The following PGLYRP2 variants were observed in gnomAD, a reference collection of about 807,000 sequenced individuals.
The protein encoded by PGLYRP2 is peptidoglycan recognition protein 2.
A neutral mutation model predicts 46.2 loss-of-function variants in PGLYRP2; 38 were observed. The ratio of observed to expected loss-of-function variants is 0.82; its 90% CI spans 0.64 to 1.08. The LOEUF is 1.08. Among genes scored for constraint, PGLYRP2 ranks in the 50% least tolerant of loss-of-function variants. The pLI is 0.00. For missense variants in PGLYRP2, 713 were observed against 755.9 expected, an observed-to-expected ratio of 0.94 and a Z score of 0.67; for synonymous variants, 289 against 329.4, an observed-to-expected ratio of 0.88 and a Z score of 1.33.
chr19:15,476,065 G>A lies in PGLYRP2; in HGVS notation c.605C>T (p.Ser202Phe). The A allele has an allele frequency of 6.2e-7, 1 of 1,614,218 alleles. No homozygotes were observed. The highest frequency in any genetic ancestry group is 1.1e-5 in the South Asian group (1 of 91,088). The change falls in exon 2 of 5, where the codon TCC becomes TTC. Residue 202 changes from serine (S) to phenylalanine (F), a missense_variant. By Grantham distance (155) the Ser-to-Phe change is radical (BLOSUM62 -2). Transcript: ENST00000340880. Reference protein sequence around the residue: ...ATKGCPDVQASLPDAKAKSPP... With the variant: ...ATKGCPDVQAFLPDAKAKSPP... The stretch of plus-strand genomic sequence containing the variant: ...GGACTTGGCTTTGGCATCTGGCAAG[G>A]AAGCTTGGACATCTGGACAGCCTTT...
Position 15,477,721 on chromosome 19 carries a change from T to TAAAATTAAAATAAAATAAAATAAAA in PGLYRP2, c.62-1114_62-1113insTTTTATTTTATTTTATTTTAATTTT, listed in dbSNP as rs56127600. Among the ~76,000 whole-genome samples, 636 of 135,438 alleles carry TAAAATTAAAATAAAATAAAATAAAA rather than the reference T, an allele frequency of 4.7e-3. 5 individuals carry two copies. Among genetic ancestry groups the TAAAATTAAAATAAAATAAAATAAAA allele is most frequent in the Middle Eastern group, 7.2e-3 (2 of 276 alleles). The allele number at this position is 135,438 out of a possible 152,430, so 88.9% of individuals were successfully genotyped here. ...ATAAAATAAAATAAATAAAATAAAA[T>TAAAATTAAAATAAAATAAAATAAAA]TAAATTAAAATAAAATAAAATAAAA... On this transcript the variant is annotated intron_variant, in intron 1 of 4. Transcript: ENST00000340880.
Position 15,476,226 on chromosome 19 carries a change from AG to A in PGLYRP2, c.443del (p.Pro148LeufsTer18). ...CTGGAAAGGTATCTCCAGTCTCCCAAGGGGCAGCCATGCTGTCCAAGGGCAA... is the reference window on the plus strand; with the variant it reads ...CTGGAAAGGTATCTCCAGTCTCCCAAGGGCAGCCATGCTGTCCAAGGGCAA... ...INLPLDSMAA[P>X]WETGDTFPDV... On this transcript the variant is annotated frameshift_variant, in exon 2 of 5. Coordinates refer to ENST00000340880, the MANE Select transcript of PGLYRP2 (RefSeq NM_052890.4). LOFTEE classifies it high-confidence loss of function. 1 of 1,614,146 alleles carries A rather than the reference AG, an allele frequency of 6.2e-7. No homozygotes were observed.
In PGLYRP2 at chr19:15,475,652, G is replaced by T; in HGVS notation, c.1018C>A (p.Leu340Ile). Residue 340 changes from leucine to isoleucine, a missense_variant, in exon 2 of 5, where the codon CTT (leucine) becomes ATT (isoleucine). Physicochemically the swap from Leu to Ile is conservative, Grantham distance 5. Coordinates refer to ENST00000340880, the MANE Select transcript of PGLYRP2 (RefSeq NM_052890.4). The stretch of plus-strand genomic sequence containing the variant: ...GGCTCCAGCCTCTGTAGAAGGACAA[G>T]GGTTCCCCACACCTGCTGGGCCAGG... ...SILAQQVWGTLVLLQRLEPVH... is the reference protein window; with the variant it reads ...SILAQQVWGTIVLLQRLEPVH... 1 of 1,614,194 alleles carries T rather than the reference G, an allele frequency of 6.2e-7. No homozygotes were observed. Among genetic ancestry groups the T allele is most frequent in the East Asian group, 2.2e-5 (1 of 44,876 alleles).
In PGLYRP2 at chr19:15,472,034, A is replaced by G; in HGVS notation, c.1199T>C (p.Leu400Pro). 4 of 1,612,204 alleles carry G rather than the reference A, an allele frequency of 2.5e-6. No individual in the cohort carries two copies. Among genetic ancestry groups the G allele is most frequent in the Non-Finnish European group, 3.4e-6 (4 of 1,179,916 alleles). The change falls in exon 3 of 5, where the codon CTG (leucine) becomes CCG (proline). Residue 400 changes from leucine (L) to proline (P), a missense_variant. Physicochemically the swap from Leu to Pro is moderately conservative, Grantham distance 98. Coordinates refer to ENST00000340880, the MANE Select transcript of PGLYRP2 (RefSeq NM_052890.4). ...AAPYRGRPKL[L>P]QLPLGFLYVH... ...GTACAAGAATCCCAGCGGCAGCTGC[A>G]GCAGCTTCGGGCGGCCCCGATAAGG...
chr19:15,474,357 C>T (rs1970775944), intron 2 of PGLYRP2, among the ~76,000 whole-genome samples: 1 of 151,592 alleles, frequency 6.6e-6, no homozygotes, highest in South Asian at 2.1e-4. Context: ...CAAAACAAAA[C>T]AAAACAAAAA....
chr19:15,469,898 C>G lies in PGLYRP2; in HGVS notation c.1375G>C (p.Glu459Gln). ...FVVGSDGYVY[E>Q]GRGWHWVGAH... ...CCCACCCAGTGCCAGCCGCGTCCCTCGTACACGTAGCCGTCCGAGCCCACC... is the reference window on the plus strand; with the variant it reads ...CCCACCCAGTGCCAGCCGCGTCCCTGGTACACGTAGCCGTCCGAGCCCACC... Residue 459 changes from glutamate to glutamine, a missense_variant, in exon 4 of 5, where the codon GAG (glutamate) becomes CAG (glutamine). Transcript: ENST00000340880. The surrounding 1 kb of genome is among the most constrained non-coding windows in gnomAD (Gnocchi z 4.9). 6.8e-7 allele frequency: 1 copy of G among 1,464,102 alleles called. No individual in the cohort carries two copies. The highest frequency in any genetic ancestry group is 1.5e-5 in the African/African-American group (1 of 68,066). The allele number at this position is 1,464,102 out of a possible 1,614,324, so 90.7% of individuals were successfully genotyped here. A position where few individuals can be genotyped will look rare whatever the true frequency, so the allele number is the denominator to read the frequency against.
In PGLYRP2 at chr19:15,469,769, T is replaced by C; in HGVS notation, c.1504A>G (p.Thr502Ala). 1.3e-6 allele frequency: 2 copies of C among 1,501,368 alleles called. No individual in the cohort carries two copies. The highest frequency in any genetic ancestry group is 2.2e-5 in the Admixed American group (1 of 45,466). The allele number at this position is 1,501,368 out of a possible 1,614,324, so 93.0% of individuals were successfully genotyped here. ...TEAALRTVRD[T>A]LPSCAVRAGL... ...GCGCGCACCGCACAACTCGGGAGCG[T>C]GTCGCGCACCGTGCGCAGAGCGGCC... is the stretch of plus-strand genomic sequence containing the variant. Residue 502 changes from threonine (T) to alanine (A), a missense_variant, in exon 4 of 5, where the codon ACG becomes GCG. Thr to Ala is a moderately conservative substitution (Grantham distance 58). Coordinates refer to ENST00000340880, the MANE Select transcript of PGLYRP2 (RefSeq NM_052890.4). The surrounding 1 kb of genome is among the most constrained non-coding windows in gnomAD (Gnocchi z 4.9).
intron 2 of PGLYRP2, among the ~76,000 whole-genome samples, chr19:15,472,894 G>A (rs528453274): frequency 2.6e-5 from 4 of 152,170 alleles, no homozygotes; most frequent in East Asian, 1.9e-4. Flanking sequence ...TAAGCAAAAC[G>A]AGCCTGGTAT....
At position 15,476,164 on chromosome 19, in the gene PGLYRP2, G is replaced by A. The variant is rs758031361; in HGVS notation, c.506C>T (p.Ser169Phe). The change falls in exon 2 of 5, where the codon TCC becomes TTC. Residue 169 changes from serine (S) to phenylalanine (F), a missense_variant. Coordinates refer to ENST00000340880, the MANE Select transcript of PGLYRP2 (RefSeq NM_052890.4). Reference sequence around the variant, plus strand: ...AGAGCCATCCCTGAGTCCTGGGGAGGAGGTGGCTCTTACATCTGGAGCAAT... The same window carrying A: ...AGAGCCATCCCTGAGTCCTGGGGAGAAGGTGGCTCTTACATCTGGAGCAAT... ...VAIAPDVRAT[S>F]SPGLRDGSPD... 3.7e-6 allele frequency: 6 copies of A among 1,614,164 alleles called. No homozygotes were observed. Among genetic ancestry groups the A allele is most frequent in the Non-Finnish European group, 3.4e-6 (4 of 1,180,030 alleles).
At chr19:15,471,731 C>A (rs546542193) in intron 3 of PGLYRP2, among the ~76,000 whole-genome samples, 159 bp downstream of exon 3, 1 of 152,294 alleles carries the variant, frequency 6.6e-6, no homozygotes, top group East Asian at 1.9e-4. Context: ...CTAGCCTAAG[C>A]CACGCCACCT....
Position 15,469,961 on chromosome 19 carries a change from C to T in PGLYRP2, c.1344-32G>A. On this transcript the variant is annotated intron_variant, in intron 3 of 4. Transcript: ENST00000340880. This position sits in a 1 kb window ranked among gnomAD's most constrained non-coding sequence, Gnocchi z 4.9. ...AGGGGAGGGAGAAGCAAGCACCATG[C>T]GGCGTGAGGGGGACCCGGGCCCTTA... is the stretch of plus-strand genomic sequence containing the variant. The T allele has an allele frequency of 7.2e-7, 1 of 1,389,716 alleles. No individual in the cohort carries two copies. The highest frequency in any genetic ancestry group is 1.7e-5 in the South Asian group (1 of 57,974). The allele number at this position is 1,389,716 out of a possible 1,614,324, so 86.1% of individuals were successfully genotyped here.
At position 15,469,467 on chromosome 19, in the gene PGLYRP2, C is replaced by G. The variant is rs751473397; in HGVS notation, c.1641+165G>C. 6 of 992,002 alleles carry G rather than the reference C, an allele frequency of 6.0e-6. No homozygotes were observed. Among genetic ancestry groups the G allele is most frequent in the African/African-American group, 1.6e-5 (1 of 62,516 alleles). The allele number at this position is 992,002 out of a possible 1,614,324, so 61.4% of individuals were successfully genotyped here. A position where few individuals can be genotyped will look rare whatever the true frequency, so the allele number is the denominator to read the frequency against. ...CAGGGATGTTGCCCGCAGAGTGACC[C>G]GCAAAGGCTGGGCCTAGGTTTCCTG... On this transcript the variant is annotated intron_variant, in intron 4 of 4. Coordinates refer to ENST00000340880, the MANE Select transcript of PGLYRP2 (RefSeq NM_052890.4). This position sits in a 1 kb window ranked among gnomAD's most constrained non-coding sequence, Gnocchi z 4.9.
At chr19:15,478,033 G>T (rs1364271094) in intron 1 of PGLYRP2, among the ~76,000 whole-genome samples, 1 of 152,150 alleles carries the variant, frequency 6.6e-6, no homozygotes, top group Non-Finnish European at 1.5e-5. Flanking sequence ...ACAGATCTCT[G>T]AGGTTGGGTA....
In PGLYRP2 at chr19:15,469,784, G is replaced by T. The variant is rs994914225; in HGVS notation, c.1489C>A (p.Arg497Ser). Residue 497 changes from arginine (R) to serine (S), a missense_variant, in exon 4 of 5, where the codon CGC (arginine) becomes AGC (serine). Arg to Ser is a moderately radical substitution (Grantham distance 110). Transcript: ENST00000340880. The surrounding 1 kb of genome is among the most constrained non-coding windows in gnomAD (Gnocchi z 4.9). The stretch of plus-strand genomic sequence containing the variant: ...CTCGGGAGCGTGTCGCGCACCGTGC[G>T]CAGAGCGGCCTCGGTGGGCAGCGCC... Reference protein sequence around the residue: ...TAALPTEAALRTVRDTLPSCA... With the variant: ...TAALPTEAALSTVRDTLPSCA... The T allele has an allele frequency of 2.6e-6, 4 of 1,511,830 alleles. No homozygotes were observed. Among genetic ancestry groups the T allele is most frequent in the Non-Finnish European group, 2.6e-6 (3 of 1,138,864 alleles). The allele number at this position is 1,511,830 out of a possible 1,614,324, so 93.7% of individuals were successfully genotyped here.
Position 15,475,953 on chromosome 19 carries a change from GC to G in PGLYRP2, c.716del (p.Ser239ThrfsTer30). ...AGCCCTCAGTTCCCAGGTCTGGATG[GC>G]TCTGGGTCTGGGAACCTCGGAGGAA... is the stretch of plus-strand genomic sequence containing the variant. ...LTFLRGSQTQ[S>X]HPDLGTEGCW... On this transcript the variant is annotated frameshift_variant, in exon 2 of 5. Coordinates refer to ENST00000340880, the MANE Select transcript of PGLYRP2 (RefSeq NM_052890.4). LOFTEE classifies it high-confidence loss of function. 6.2e-7 allele frequency: 1 copy of G among 1,614,176 alleles called. No individual in the cohort carries two copies. The highest frequency in any genetic ancestry group is 8.5e-7 in the Non-Finnish European group (1 of 1,180,032).
In PGLYRP2 at chr19:15,469,741, C is replaced by A; in HGVS notation, c.1532G>T (p.Gly511Val). ...CAGCGCGTAGTCTGGCCGCAGGAGG[C>A]CGGCGCGCACCGCACAACTCGGGAG... ...DTLPSCAVRAGLLRPDYALLG... is the reference protein window; with the variant it reads ...DTLPSCAVRAVLLRPDYALLG... The change falls in exon 4 of 5, where the codon GGC (glycine) becomes GTC (valine). Residue 511 changes from glycine (G) to valine (V), a missense_variant. By Grantham distance (109) the Gly-to-Val change is moderately radical. Transcript: ENST00000340880. The surrounding 1 kb of genome is among the most constrained non-coding windows in gnomAD (Gnocchi z 4.9). 6.7e-7 allele frequency: 1 copy of A among 1,486,192 alleles called. No individual in the cohort carries two copies. Among genetic ancestry groups the A allele is most frequent in the Non-Finnish European group, 8.9e-7 (1 of 1,125,360 alleles). 92.1% of individuals were successfully genotyped at this position (1,486,192 alleles called of 1,614,324 possible).
intron 2 of PGLYRP2, among the ~76,000 whole-genome samples, chr19:15,473,143 T>G (rs113787933): frequency 2.0e-5 from 3 of 152,198 alleles, no homozygotes; most frequent in African/African-American, 7.2e-5. Context: ...TGCAGAAGAA[T>G]GAAACTGGAC....
chr19:15,479,279 G>T (rs764791375), intron 1 of PGLYRP2, 32 bp downstream of exon 1: 1 of 1,612,126 alleles, frequency 6.2e-7, no homozygotes, highest in Non-Finnish European at 8.5e-7. Context: ...GAGCCAAGAG[G>T]TTTGGTCCCA....
Position 15,479,481 on chromosome 19 carries a change from T to TG in PGLYRP2, c.-111dup. 1 of 1,110,154 alleles carries TG rather than the reference T, an allele frequency of 9.0e-7. No homozygotes were observed. Among genetic ancestry groups the TG allele is most frequent in the Non-Finnish European group, 1.3e-6 (1 of 746,244 alleles). The allele number at this position is 1,110,154 out of a possible 1,614,324, so 68.8% of individuals were successfully genotyped here. On this transcript the variant is annotated 5_prime_UTR_variant, in exon 1 of 5. Coordinates refer to ENST00000340880, the MANE Select transcript of PGLYRP2 (RefSeq NM_052890.4). The stretch of plus-strand genomic sequence containing the variant: ...AGAACTGAGCAGAGCCTTTGACCAC[T>TG]GTCAAAGTCCAGCGGCGAATGACAG...
Sources: gnomAD v4.1 joint callset for allele counts (sites outside exome capture counted in the v4.1 genomes callset) on GRCh38, gnomAD v4.1.1 for gene constraint, Gnocchi (gnomAD v3.1) non-coding constraint, MANE v1.5 for transcripts, NCBI Gene and HGNC (gene_info 2026-07-23, HGNC 2026-07-21) for gene names.